The following PCGF5 variants were observed in gnomAD, a reference collection of about 807,000 sequenced individuals.
PCGF5 encodes the protein polycomb group RING finger protein 5.
Under a neutral mutation model 44.3 loss-of-function variants are expected in PCGF5, and 9 were observed. That is an observed-to-expected ratio of 0.20 (90% confidence interval 0.12 to 0.35). PCGF5 has a LOEUF of 0.35. Among genes scored for constraint, PCGF5 ranks in the 10% least tolerant of loss-of-function variants. The pLI is 1.00. For synonymous variants in PCGF5, 95 were observed against 102.5 expected (o/e 0.93, Z 0.44); for missense variants, 146 against 305.3 (o/e 0.48, Z 3.89).
intron 1 of PCGF5, among the ~76,000 whole-genome samples, chr10:91,200,445 CAT>C (rs1224484074): frequency 6.6e-6 from 1 of 152,090 alleles, no homozygotes; most frequent in African/African-American, 2.4e-5. Context: ...GGGAAGTGCG[CAT>C]ATATGTTTGA....
Position 91,222,725 on chromosome 10 carries a change from C to T in PCGF5, c.-147C>T, listed in dbSNP as rs560682583. ...CGGAACCACCAAAAGGAGTGATGATCAACGATCTCATGATAAATCTGGATG... is the reference window on the plus strand; with the variant it reads ...CGGAACCACCAAAAGGAGTGATGATTAACGATCTCATGATAAATCTGGATG... On this transcript the variant is annotated 5_prime_UTR_variant, in exon 2 of 10. Transcript: ENST00000336126. The T allele has an allele frequency of 3.8e-6, 2 of 522,392 alleles. No homozygotes were observed. The highest frequency in any genetic ancestry group is 1.9e-5 in the African/African-American group (1 of 51,812). The allele number at this position is 522,392 out of a possible 1,614,324, so 32.4% of individuals were successfully genotyped here. A position where few individuals can be genotyped will look rare whatever the true frequency, so the allele number is the denominator to read the frequency against.
Position 91,164,167 on chromosome 10 carries a change from T to C in PCGF5, c.-184+1086T>C, listed in dbSNP as rs1843452003. Among the ~76,000 whole-genome samples the C allele has an allele frequency of 2.0e-5, 3 of 152,256 alleles. No individual in the cohort carries two copies. The South Asian group carries it at 6.2e-4, about 32-fold the overall frequency. ...TCTGACCCAGGGAGAGTGGCCCCTCTGCAGTGATGACGCCCGGAGGGGCGG... is the reference window on the plus strand; with the variant it reads ...TCTGACCCAGGGAGAGTGGCCCCTCCGCAGTGATGACGCCCGGAGGGGCGG... On this transcript the variant is annotated intron_variant, in intron 1 of 9. Transcript: ENST00000614189.
At chr10:91,169,060 G>C (rs1304443823) in intron 1 of PCGF5, among the ~76,000 whole-genome samples, 1 of 151,948 alleles carries the variant, frequency 6.6e-6, no homozygotes, top group Non-Finnish European at 1.5e-5. Flanking sequence ...TAATACACTA[G>C]GCTCTCCTCA....
At chr10:91,198,621 T>C (rs1844190299) in intron 1 of PCGF5, among the ~76,000 whole-genome samples, 1 of 152,216 alleles carries the variant, frequency 6.6e-6, no homozygotes, top group Admixed American at 6.5e-5. Context: ...AGCTTGTCTC[T>C]GTCCTTCGAT....
At chr10:91,271,432 C>A (rs1178764678) in intron 8 of PCGF5, among the ~76,000 whole-genome samples, 1 of 152,098 alleles carries the variant, frequency 6.6e-6, no homozygotes, top group Admixed American at 6.6e-5. Flanking sequence ...CATCTAGATG[C>A]TAAAATTACT....
At chr10:91,227,423 C>T (rs746841262) in intron 2 of PCGF5, 3 of 1,289,554 alleles carry the variant, frequency 2.3e-6, no homozygotes, top group Non-Finnish European at 3.0e-6. Flanking sequence ...GGGATGCCAG[C>T]ACTCAGTTAT....
chr10:91,273,130 A>T (rs760871746), intron 9 of PCGF5, among the ~76,000 whole-genome samples: 9 of 152,236 alleles, frequency 5.9e-5, no homozygotes, highest in Non-Finnish European at 1.0e-4. Flanking sequence ...GCAATCTAGT[A>T]AGTAAATTTA....
At chr10:91,156,521 G>C in the PCGF5 span, among the ~76,000 whole-genome samples, 7 of 152,198 alleles carry the variant, frequency 4.6e-5, no homozygotes, top group East Asian at 1.9e-4. Context: ...AGAATTTTCT[G>C]GTTCTATCCA....
chr10:91,185,906 ATTAG>A (rs1468294356), intron 1 of PCGF5, among the ~76,000 whole-genome samples: 6 of 151,986 alleles, frequency 3.9e-5, no homozygotes. Flanking sequence ...TGTTTCCTTG[ATTAG>A]TCCCAATGCA....
intron 9 of PCGF5, among the ~76,000 whole-genome samples, chr10:91,272,159 A>G (rs1846194995): frequency 6.6e-6 from 1 of 152,192 alleles, no homozygotes; most frequent in East Asian, 1.9e-4. Context: ...TTACCTCTTT[A>G]AAAATGATAG....
intron 3 of PCGF5, among the ~76,000 whole-genome samples, chr10:91,244,783 A>G (rs1214360777): frequency 1.3e-5 from 2 of 152,186 alleles, no homozygotes; most frequent in East Asian, 1.9e-4. Flanking sequence ...AGAGTTGAAC[A>G]TGACTTTAAG....
chr10:91,207,255 T>C (rs767913315), intron 1 of PCGF5, among the ~76,000 whole-genome samples: 1 of 152,192 alleles, frequency 6.6e-6, no homozygotes, highest in Non-Finnish European at 1.5e-5. Context: ...TACTAGAGAG[T>C]TGTGAGATGA....
chr10:91,235,355 A>T (rs1047628268), intron 2 of PCGF5, among the ~76,000 whole-genome samples: 1 of 152,190 alleles, frequency 6.6e-6, no homozygotes, highest in Non-Finnish European at 1.5e-5. Context: ...AATCTAACAA[A>T]TGGTAAAAGT....
chr10:91,246,927 T>C (rs1277992056), intron 3 of PCGF5, among the ~76,000 whole-genome samples: 1 of 151,470 alleles, frequency 6.6e-6, no homozygotes, highest in Non-Finnish European at 1.5e-5. Context: ...TCAGCAGAGA[T>C]GTGATATATA....
At chr10:91,200,371 G>A (rs1844228025) in intron 1 of PCGF5, among the ~76,000 whole-genome samples, 1 of 142,540 alleles carries the variant, frequency 7.0e-6, no homozygotes, top group Non-Finnish European at 1.6e-5. Context: ...GCCCAAAATT[G>A]TTCAACTAAT....
chr10:91,215,416 A>T (rs575176800), upstream of PCGF5, among the ~76,000 whole-genome samples: 2 of 152,358 alleles, frequency 1.3e-5, no homozygotes, highest in South Asian at 4.1e-4. Context: ...CTAGAAAAGG[A>T]GAATACCCAT....
intron 1 of PCGF5, among the ~76,000 whole-genome samples, chr10:91,174,345 A>G (rs1375432224): frequency 1.3e-5 from 2 of 152,052 alleles, no homozygotes; most frequent in East Asian, 3.9e-4. Context: ...CATCTTTACT[A>G]AAAATACATA....
intron 1 of PCGF5, among the ~76,000 whole-genome samples, chr10:91,204,334 T>TAAA (rs11404081): frequency 6.6e-6 from 1 of 150,762 alleles, no homozygotes; most frequent in Admixed American, 6.6e-5. Flanking sequence ...GGTTTTCATT[T>TAAA]AAAAAAAAAC....
At chr10:91,172,049 G>T (rs1318365586) in intron 1 of PCGF5, among the ~76,000 whole-genome samples, 11 of 152,162 alleles carry the variant, frequency 7.2e-5, no homozygotes, top group African/African-American at 2.7e-4. Context: ...AACATTTTTA[G>T]ATATATGTGA....
Sources: allele counts gnomAD v4.1 joint callset (sites outside exome capture counted in the v4.1 genomes callset), GRCh38; gene constraint gnomAD v4.1.1; transcripts MANE v1.5; gene names NCBI Gene and HGNC (gene_info 2026-07-23, HGNC 2026-07-21).